Variants in POLRMT observed in about 807,000 individuals in gnomAD.
POLRMT encodes the protein DNA-directed RNA polymerase, mitochondrial.
In POLRMT, 114 loss-of-function variants were observed where a neutral mutation model predicts 132.2. The observed-to-expected ratio is 0.86, with a 90% confidence interval of 0.74 to 1.01. POLRMT has a LOEUF of 1.01. POLRMT is among the 50% of genes least tolerant of loss of function. The pLI is 0.00. For missense variants in POLRMT, 2,003 were observed against 1,729.1 expected (o/e 1.16, Z -2.81); for synonymous variants, 1,020 against 773.4 (o/e 1.32, Z -5.29).
Position 617,224 on chromosome 19 carries a change from TG to T in POLRMT, c.*49del. 1 of 1,597,746 alleles carries T rather than the reference TG, an allele frequency of 6.3e-7. No homozygotes were observed. The highest frequency in any genetic ancestry group is 1.1e-5 in the South Asian group (1 of 90,652). On this transcript the variant is annotated 3_prime_UTR_variant, in exon 21 of 21. Coordinates refer to ENST00000588649, the MANE Select transcript of POLRMT (RefSeq NM_005035.4). ...CACCCTTCCTGAAGACAGTGGCTCC[TG>T]GGGGTGGCAAAAGAGCTTTATTTAC...
In POLRMT at chr19:622,844, C is replaced by A; in HGVS notation, c.1432G>T (p.Glu478Ter). Reference protein sequence around the residue: ...YPFLCLLDEREVVRMLLQVLQ... With the variant: ...YPFLCLLDER ...ACCTGCAGGAGCATCCGCACCACCT[C>A]GCGCTCGTCCAGCAGGCACAGGAAG... is the stretch of plus-strand genomic sequence containing the variant. The change falls in exon 7 of 21, where the codon GAG becomes TAG. Residue 478 changes from glutamate to a stop codon, truncating the protein, a stop_gained. Transcript: ENST00000588649. LOFTEE classifies it high-confidence loss of function. The A allele has an allele frequency of 6.3e-7, 1 of 1,599,024 alleles. No homozygotes were observed. The highest frequency in any genetic ancestry group is 1.1e-5 in the South Asian group (1 of 89,368).
At chr19:631,432 G>A (rs1985410956) in intron 2 of POLRMT, among the ~76,000 whole-genome samples, 1 of 151,798 alleles carries the variant, frequency 6.6e-6, no homozygotes, top group Non-Finnish European at 1.5e-5. Context: ...GAGGTCAGGA[G>A]ATCAAGACCA....
intron 6 of POLRMT, 74 bp downstream of exon 6, chr19:623,380 C>G: frequency 6.4e-7 from 1 of 1,571,658 alleles, no homozygotes; most frequent in Non-Finnish European, 8.6e-7. Context: ...GGGACCCCGG[C>G]TCAGCCCGTG....
intron 4 of POLRMT, 49 bp from the exon 5 acceptor site, chr19:624,954 C>T (rs947605872): frequency 3.2e-6 from 5 of 1,565,788 alleles, no homozygotes; most frequent in Admixed American, 3.5e-5. Flanking sequence ...CCACGCTGGG[C>T]TTCCACAGAC....
Position 623,603 on chromosome 19 carries a change from C to G in POLRMT, c.1141G>C (p.Asp381His). Residue 381 changes from aspartate (D) to histidine (H), a missense_variant and splice_region_variant, in exon 6 of 21, where the codon GAT (aspartate) becomes CAT (histidine). By Grantham distance (81) the Asp-to-His change is moderately conservative. Transcript: ENST00000588649. ...SKLLRDVYAK[D>H]GRVSYPKLHL... ...AGCTTCGGGTAGGACACACGCCCAT[C>G]CTGCAGGGATGGGGGTAGTGAGGTT... The G allele has an allele frequency of 1.2e-6, 2 of 1,613,514 alleles. No individual in the cohort carries two copies. The highest frequency in any genetic ancestry group is 1.7e-6 in the Non-Finnish European group (2 of 1,179,912).
rs61746699 is a variant in POLRMT, at chr19:619,637, G to A, written c.3015C>T (p.Gly1005=). 20 of 1,610,788 alleles carry A rather than the reference G, an allele frequency of 1.2e-5. 1 individual carries two copies. Among genetic ancestry groups the A allele is most frequent in the South Asian group, 3.3e-5 (3 of 90,988 alleles). ...MTVVYGVTRY[G]GRLQIEKRLR... ...GGCGCTTCTCAATCTGCAGGCGCCC[G>A]CCATAGCGCGTGACCCCGTACACCA... Residue 1005 remains glycine, a synonymous_variant, in exon 13 of 21, where the codon GGC becomes GGT. Transcript: ENST00000588649.
At position 620,407 on chromosome 19, in the gene POLRMT, G is replaced by A. The variant is rs145264742; in HGVS notation, c.2721C>T (p.Ala907=). ...CCMEVANAVR[A]SDPAAYVSHL... ...GGGAGACATAGGCGGCAGGGTCGGA[G>A]GCGCGCACAGCGTTCGCCACCTCCA... The change falls in exon 11 of 21, where the codon GCC becomes GCT. Residue 907 remains alanine, a synonymous_variant. Coordinates refer to ENST00000588649, the MANE Select transcript of POLRMT (RefSeq NM_005035.4). 11,186 of 1,587,932 alleles carry A rather than the reference G, an allele frequency of 7.0e-3. 124 individuals are homozygous for A. Among genetic ancestry groups the A allele is most frequent in the African/African-American group, 0.032 (2,402 of 74,530 alleles).
rs1048748809 is a variant in POLRMT at position 621,598 on chromosome 19, G to A, written c.2100C>T (p.Thr700=). Residue 700 remains threonine (T), a synonymous_variant, in exon 10 of 21, where the codon ACC becomes ACT. Transcript: ENST00000588649. ...TALHGALDAL[T]QLGNCAWRVN... ...CGCGCCAGGCGCAGTTGCCCAGTTG[G>A]GTGAGGGCGTCCAGTGCGCCATGCA... is the stretch of plus-strand genomic sequence containing the variant. 1.7e-5 allele frequency: 25 copies of A among 1,498,472 alleles called. No homozygotes were observed. Among genetic ancestry groups the A allele is most frequent in the Non-Finnish European group, 2.0e-5 (22 of 1,126,728 alleles). The allele number at this position is 1,498,472 out of a possible 1,614,324, so 92.8% of individuals were successfully genotyped here.
chr19:623,045 G>A (rs1009962635), intron 6 of POLRMT, 60 bp from the exon 7 acceptor site: 3 of 1,575,442 alleles, frequency 1.9e-6, no homozygotes, highest in Non-Finnish European at 2.6e-6. Flanking sequence ...CAGGCTCACA[G>A]GACGGGGGTC....
intron 5 of POLRMT, among the ~76,000 whole-genome samples, chr19:624,424 C>CA (rs1984867240): frequency 6.6e-6 from 1 of 152,178 alleles, no homozygotes; most frequent in Non-Finnish European, 1.5e-5. Flanking sequence ...ACCTCAGTAA[C>CA]AGACGAGCCC....
Position 618,525 on chromosome 19 carries a change from A to T in POLRMT, c.3385T>A (p.Ser1129Thr). The T allele has an allele frequency of 6.2e-7, 1 of 1,613,088 alleles. No individual in the cohort carries two copies. The highest frequency in any genetic ancestry group is 8.5e-7 in the Non-Finnish European group (1 of 1,179,402). ...AGGGCGGTGAGCATCATGTGGGAGGAGTCCAGCGAGTGGATGAAGTTGGGC... is the reference window on the plus strand; with the variant it reads ...AGGGCGGTGAGCATCATGTGGGAGGTGTCCAGCGAGTGGATGAAGTTGGGC... ...FPPNFIHSLD[S>T]SHMMLTALHC... Residue 1129 changes from serine to threonine, a missense_variant, in exon 17 of 21, where the codon TCC becomes ACC. Physicochemically the swap from Ser to Thr is moderately conservative, Grantham distance 58. Transcript: ENST00000588649.
intron 2 of POLRMT, among the ~76,000 whole-genome samples, chr19:631,691 G>A (rs1015921904): frequency 5.3e-5 from 8 of 152,138 alleles, no homozygotes; most frequent in Non-Finnish European, 1.0e-4. Context: ...CGCCTTCAGA[G>A]TGCTCCAAAA....
chr19:617,496 G>C lies in POLRMT; in HGVS notation c.3582-16C>G. The C allele has an allele frequency of 6.2e-7, 1 of 1,611,104 alleles. No individual in the cohort carries two copies. The highest frequency in any genetic ancestry group is 1.1e-5 in the South Asian group (1 of 91,010). ...CTTCTGGGGCCTGGGGTTGGAAGCA[G>C]GGTGGGGTGAGGCTGAGGCCAGGTT... is the stretch of plus-strand genomic sequence containing the variant. On this transcript the variant is annotated splice_polypyrimidine_tract_variant and intron_variant, in intron 19 of 20. Transcript: ENST00000588649.
intron 3 of POLRMT, among the ~76,000 whole-genome samples, chr19:628,103 C>G (rs1451951456): frequency 6.6e-6 from 1 of 152,114 alleles, no homozygotes; most frequent in Non-Finnish European, 1.5e-5. Flanking sequence ...CTGCTGGCCA[C>G]CCCGGAACGC....
At chr19:624,486 A>C in intron 5 of POLRMT, among the ~76,000 whole-genome samples, 1 of 151,298 alleles carries the variant, frequency 6.6e-6, no homozygotes, top group African/African-American at 2.4e-5. Flanking sequence ...CTGTCACCCC[A>C]CCCTCTCTCT....
Position 623,518 on chromosome 19 carries a change from G to C in POLRMT, c.1226C>G (p.Ala409Gly), listed in dbSNP as rs144770419. Residue 409 changes from alanine (A) to glycine (G), a missense_variant, in exon 6 of 21, where the codon GCC becomes GGC. Transcript: ENST00000588649. Reference sequence around the variant, plus strand: ...CACGGACACCACGCACACCCTGCTGGCCAGCTCCATGTGGAGCTGCTTCTC... The same window carrying C: ...CACGGACACCACGCACACCCTGCTGCCCAGCTCCATGTGGAGCTGCTTCTC... ...LFEKQLHMEL[A>G]SRVCVVSVEK... is the part of the protein sequence containing the mutation. 1.2e-6 allele frequency: 2 copies of C among 1,613,420 alleles called. No individual in the cohort carries two copies. Among genetic ancestry groups the C allele is most frequent in the Admixed American group, 1.7e-5 (1 of 60,032 alleles).
rs904648785 is a variant in POLRMT at position 633,171 on chromosome 19, T to C, written c.89-233A>G. 1.0e-5 allele frequency: 6 copies of C among 597,730 alleles called. No homozygotes were observed. The South Asian group carries it at 1.0e-4, about 10-fold the overall frequency. 37.0% of individuals were successfully genotyped at this position (597,730 alleles called of 1,614,324 possible). On this transcript the variant is annotated intron_variant, in intron 1 of 20. Transcript: ENST00000588649. ...TTCCTCGCACTCGAGGTGCAGCAGG[T>C]CAAAGGTTAAGAGCCCTAAACACCA... is the stretch of plus-strand genomic sequence containing the variant.
intron 10 of POLRMT, among the ~76,000 whole-genome samples, 156 bp downstream of exon 10, chr19:620,902 G>A (rs1390573359): frequency 4.0e-5 from 2 of 49,392 alleles, no homozygotes; most frequent in African/African-American, 1.0e-4. Context: ...AGGGGAGGGG[G>A]AGGGGAGGAG....
At chr19:633,072 G>A in intron 1 of POLRMT, 134 bp from the exon 2 acceptor site, 1 of 701,198 alleles carries the variant, frequency 1.4e-6, no homozygotes, top group South Asian at 2.2e-5. Flanking sequence ...GGCTTAAGTT[G>A]GAAAGAAACT....
Sources: allele counts gnomAD v4.1 joint callset (sites outside exome capture counted in the v4.1 genomes callset), GRCh38; gene constraint gnomAD v4.1.1; transcripts MANE v1.5; gene names NCBI Gene and HGNC (gene_info 2026-07-23, HGNC 2026-07-21).